The following TMLHE variants were observed in gnomAD, a reference collection of about 807,000 sequenced individuals.
The protein encoded by TMLHE is trimethyllysine hydroxylase, epsilon.
In TMLHE, 18 loss-of-function variants were observed where a neutral mutation model predicts 25.7. The ratio of observed to expected loss-of-function variants is 0.70; its 90% CI spans 0.48 to 1.04. The LOEUF (loss-of-function observed/expected upper bound fraction) is 1.04, where lower values mean the gene tolerates loss of function less well. Among genes scored for constraint, TMLHE ranks in the 50% least tolerant of loss-of-function variants. The probability of loss-of-function intolerance (pLI) is 0.00; values close to 1 mark genes in which losing one functional copy is unlikely to be tolerated. For synonymous variants in TMLHE, 105 were observed against 97.0 expected (o/e 1.08, Z -0.49); for missense variants, 236 against 259.0 (o/e 0.91, Z 0.61).
At chrX:155,558,134 C>T (rs782055908) in intron 1 of TMLHE, among the ~76,000 whole-genome samples, 1 of 111,915 alleles carries the variant, frequency 8.9e-6, no homozygotes, top group South Asian at 3.7e-4. Context: ...TTCTGAGCTA[C>T]CTCTCAGCCT....
At position 155,504,997 on chromosome X, in the gene TMLHE, T is replaced by G. The variant is rs185092959; in HGVS notation, c.995+1901A>C. Reference sequence around the variant, plus strand: ...AAACTCAGTGAGTGTATATTTAATATTTTAAACATCATTGCATATACATTG... The same window carrying G: ...AAACTCAGTGAGTGTATATTTAATAGTTTAAACATCATTGCATATACATTG... On this transcript the variant is annotated intron_variant, in intron 6 of 7. Transcript: ENST00000334398. Among the ~76,000 whole-genome samples the G allele has an allele frequency of 3.2e-4, 36 of 111,907 alleles. No individual in the cohort carries two copies. In the East Asian group the frequency reaches 6.5e-3, roughly 20 times the overall value.
At chrX:155,575,973 A>G (rs2067586625) in intron 1 of TMLHE, among the ~76,000 whole-genome samples, 1 of 111,929 alleles carries the variant, frequency 8.9e-6, no homozygotes, top group Non-Finnish European at 1.9e-5. Context: ...CTCCTATTCA[A>G]CATAGTACTG....
chrX:155,513,342 A>G (rs1465010179), intron 4 of TMLHE, among the ~76,000 whole-genome samples: 3 of 111,725 alleles, frequency 2.7e-5, no homozygotes, highest in Non-Finnish European at 3.8e-5. Context: ...TTCAAGTTCT[A>G]TTGTTTACTA....
intron 1 of TMLHE, among the ~76,000 whole-genome samples, chrX:155,604,645 A>G (rs111945238): frequency 0.019 from 2,148 of 111,306 alleles, 60 homozygotes; most frequent in African/African-American, 0.067. Context: ...CCAGCACTCA[A>G]GTGGGAGAGG....
intron 1 of TMLHE, among the ~76,000 whole-genome samples, chrX:155,580,809 C>T (rs1557344429): frequency 9.0e-6 from 1 of 111,522 alleles, no homozygotes; most frequent in Non-Finnish European, 1.9e-5. Context: ...AGGAATCCTC[C>T]CTAACTCATT....
chrX:155,522,834 G>T lies in TMLHE; in HGVS notation c.358+1622C>A, dbSNP rs782175684. Among the ~76,000 whole-genome samples, 9 of 111,463 alleles carry T rather than the reference G, an allele frequency of 8.1e-5. No individual in the cohort carries two copies. The East Asian group carries it at 2.5e-3, about 31-fold the overall frequency. On this transcript the variant is annotated intron_variant, in intron 3 of 7. Coordinates refer to ENST00000334398, the MANE Select transcript of TMLHE (RefSeq NM_018196.4). ...GCTGATGTGAACATTAATGTACAGG[G>T]TTTTATGTGAACATAAGTTTTCATT...
chrX:155,556,445 G>A (rs5940521), intron 1 of TMLHE, among the ~76,000 whole-genome samples: 60,582 of 109,289 alleles, frequency 0.55, 14,375 homozygotes, highest in Middle Eastern at 0.78. Context: ...AAAGCTGGGC[G>A]TCCTGGGGAG....
intron 1 of TMLHE, among the ~76,000 whole-genome samples, chrX:155,582,410 T>C (rs185140453): frequency 5.4e-5 from 6 of 112,047 alleles, no homozygotes; most frequent in Admixed American, 9.4e-5. Context: ...GAGAAAATTT[T>C]TGCAATCTAC....
rs1329077016 is a variant in TMLHE, at chrX:155,570,693, C to T, written c.-1-25416G>A. ...CAGGATTAAGAAACTCACTCAAAAC[C>T]GCTCAACTACATGGAGACTGAACAA... On this transcript the variant is annotated intron_variant, in intron 1 of 7. Coordinates refer to ENST00000334398, the MANE Select transcript of TMLHE (RefSeq NM_018196.4). 5.3e-5 allele frequency among the ~76,000 whole-genome samples: 3 copies of T among 57,051 alleles called. 1 individual carries two copies. The highest frequency in any genetic ancestry group is 9.1e-5 in the Non-Finnish European group (2 of 21,936). The allele number at this position is 57,051 out of a possible 115,157, so 49.5% of individuals were successfully genotyped here.
At chrX:155,586,780 T>C (rs1205254232) in intron 1 of TMLHE, among the ~76,000 whole-genome samples, 1 of 111,359 alleles carries the variant, frequency 9.0e-6, no homozygotes, top group Non-Finnish European at 1.9e-5. Flanking sequence ...AATGGATAAA[T>C]CCCTTGACAT....
chrX:155,575,122 A>T (rs1163199041), intron 1 of TMLHE, among the ~76,000 whole-genome samples: 1 of 111,971 alleles, frequency 8.9e-6, no homozygotes, highest in African/African-American at 3.2e-5. Context: ...TCTAAGGGCT[A>T]TGAGGGAAAG....
At chrX:155,516,062 A>T (rs2067153019) in intron 3 of TMLHE, among the ~76,000 whole-genome samples, 1 of 51,268 alleles carries the variant, frequency 2.0e-5, no homozygotes, top group African/African-American at 7.0e-5. Context: ...ACATGTGCAC[A>T]TTGTGCAGGT....
intron 1 of TMLHE, among the ~76,000 whole-genome samples, chrX:155,608,469 G>A (rs1557348052): frequency 8.9e-6 from 1 of 111,775 alleles, no homozygotes; most frequent in African/African-American, 3.3e-5. Flanking sequence ...AGAAGACCTA[G>A]GCAATACCAT....
chrX:155,611,882 G>T (rs782288500), intron 1 of TMLHE, among the ~76,000 whole-genome samples: 17 of 111,728 alleles, frequency 1.5e-4, no homozygotes, highest in Non-Finnish European at 2.8e-4. Context: ...ACTACAGTGT[G>T]TCCTGAAAGG....
chrX:155,512,611 AT>A (rs1470238188), intron 4 of TMLHE, among the ~76,000 whole-genome samples: 1 of 110,951 alleles, frequency 9.0e-6, no homozygotes, highest in Non-Finnish European at 1.9e-5. Context: ...TTTATTTACT[AT>A]TTTTATAGCT....
chrX:155,509,864 G>A (rs1000792504), intron 5 of TMLHE, among the ~76,000 whole-genome samples: 9 of 111,746 alleles, frequency 8.1e-5, no homozygotes, highest in Non-Finnish European at 1.7e-4. Context: ...TCAAGAACAC[G>A]GAATAACCAC....
chrX:155,610,894 C>T (rs1268496464), intron 1 of TMLHE, among the ~76,000 whole-genome samples: 3 of 110,134 alleles, frequency 2.7e-5, no homozygotes, highest in African/African-American at 6.6e-5. Flanking sequence ...TGCTGCCAAT[C>T]TCAGTGAATG....
chrX:155,583,236 G>A (rs1557344829), intron 1 of TMLHE, among the ~76,000 whole-genome samples: 1 of 111,334 alleles, frequency 9.0e-6, no homozygotes, highest in Non-Finnish European at 1.9e-5. Flanking sequence ...ATGAGTTAAT[G>A]GGCGCAGCAC....
At position 155,535,657 on chromosome X, in the gene TMLHE, T is replaced by G. The variant is rs1169464952; in HGVS notation, c.181+9439A>C. ...TCTGTAGCAGAAACTCTTTTTTTCA[T>G]CCTCTCCTTCACTTCTAGTGAGTTG... On this transcript the variant is annotated intron_variant, in intron 2 of 7. Transcript: ENST00000334398. 2.7e-5 allele frequency among the ~76,000 whole-genome samples: 3 copies of G among 112,166 alleles called. No individual in the cohort carries two copies. The East Asian group carries it at 8.4e-4, about 31-fold the overall frequency.
Sources: gnomAD v4.1 joint callset for allele counts (sites outside exome capture counted in the v4.1 genomes callset) on GRCh38, gnomAD v4.1.1 for gene constraint, MANE v1.5 for transcripts, NCBI Gene and HGNC (gene_info 2026-07-23, HGNC 2026-07-21) for gene names.